HOXB13: variants seen among roughly 807,000 people sequenced by gnomAD.
HOXB13 encodes homeobox protein Hox-B13.
A neutral mutation model predicts 23.1 loss-of-function variants in HOXB13; 22 were observed. That is an observed-to-expected ratio of 0.95 (90% confidence interval 0.68 to 1.36). HOXB13 has a LOEUF of 1.36. Among genes scored for constraint, HOXB13 ranks in the 40% most tolerant of loss-of-function variants. The probability of loss-of-function intolerance (pLI) is 0.00; values close to 1 mark genes in which losing one functional copy is unlikely to be tolerated. For synonymous variants in HOXB13, 173 were observed against 157.9 expected (o/e 1.10, Z -0.72); for missense variants, 386 against 376.2 (o/e 1.03, Z -0.22).
chr17:48,728,481 G>C lies in HOXB13; in HGVS notation c.113C>G (p.Ala38Gly), dbSNP rs587780160. Residue 38 changes from alanine (A) to glycine (G), a missense_variant, in exon 1 of 2, where the codon GCG becomes GGG. Ala to Gly is a moderately conservative substitution (Grantham distance 60, BLOSUM62 0). Coordinates refer to ENST00000290295, the MANE Select transcript of HOXB13 (RefSeq NM_006361.6). ...VAHSPLTSHP[A>G]APTLMPAVNY... ...GACAGCAGGCATCAGCGTAGGCGCCGCTGGGTGGCTGGTCAGAGGGGAGTG... is the reference window on the plus strand; with the variant it reads ...GACAGCAGGCATCAGCGTAGGCGCCCCTGGGTGGCTGGTCAGAGGGGAGTG... 2.5e-5 allele frequency: 40 copies of C among 1,613,024 alleles called. No individual in the cohort carries two copies. The highest frequency in any genetic ancestry group is 3.3e-5 in the Non-Finnish European group (39 of 1,179,862).
chr17:48,728,362 C>T lies in HOXB13; in HGVS notation c.232G>A (p.Val78Met), dbSNP rs746542615. Residue 78 changes from valine (V) to methionine (M), a missense_variant, in exon 1 of 2, where the codon GTG (valine) becomes ATG (methionine). Transcript: ENST00000290295. Reference protein sequence around the residue: ...GVPQGTSPAPVPYGYFGGGYY... With the variant: ...GVPQGTSPAPMPYGYFGGGYY... ...CCGCCTCCAAAGTAACCATAAGGCA[C>T]GGGAGCTGGGGACGTCCCCTGGGGC... 14 of 1,613,846 alleles carry T rather than the reference C, an allele frequency of 8.7e-6. No individual in the cohort carries two copies. The East Asian group carries it at 2.7e-4, about 31-fold the overall frequency.
In HOXB13 at chr17:48,724,855, G is replaced by A; in HGVS notation, c.*1935C>T. 2.3e-6 allele frequency: 1 copy of A among 437,634 alleles called. No individual in the cohort carries two copies. Among genetic ancestry groups the A allele is most frequent in the Non-Finnish European group, 3.8e-6 (1 of 263,778 alleles). The allele number at this position is 437,634 out of a possible 1,614,324, so 27.1% of individuals were successfully genotyped here. On this transcript the variant is annotated 3_prime_UTR_variant, in exon 2 of 2. Coordinates refer to ENST00000290295, the MANE Select transcript of HOXB13 (RefSeq NM_006361.6). ...CAGAGTGTGGGAGTTAGAGCATGGGGAGTCCAGAGGTTCCAGACCCCCAAA... is the reference window on the plus strand; with the variant it reads ...CAGAGTGTGGGAGTTAGAGCATGGGAAGTCCAGAGGTTCCAGACCCCCAAA...
At position 48,728,233 on chromosome 17, in the gene HOXB13, G is replaced by A. The variant is rs766909225; in HGVS notation, c.361C>T (p.Pro121Ser). The change falls in exon 1 of 2, where the codon CCC (proline) becomes TCC (serine). Residue 121 changes from proline (P) to serine (S), a missense_variant. By Grantham distance (74) the Pro-to-Ser change is moderately conservative. Transcript: ENST00000290295. ...AETPTAGEEY[P>S]SRPTEFAFYP... ...AAGGCAAACTCAGTGGGGCGGCTGG[G>A]GTACTCTTCCCCGGCCGTGGGAGTC... 2 of 1,614,092 alleles carry A rather than the reference G, an allele frequency of 1.2e-6. No homozygotes were observed. Among genetic ancestry groups the A allele is most frequent in the Admixed American group, 1.7e-5 (1 of 60,014 alleles).
Position 48,728,706 on chromosome 17 carries a change from G to A in HOXB13, c.-113C>T. 1 of 1,027,924 alleles carries A rather than the reference G, an allele frequency of 9.7e-7. No individual in the cohort carries two copies. The highest frequency in any genetic ancestry group is 1.6e-5 in the South Asian group (1 of 63,008). The allele number at this position is 1,027,924 out of a possible 1,614,324, so 63.7% of individuals were successfully genotyped here. A position where few individuals can be genotyped will look rare whatever the true frequency, so the allele number is the denominator to read the frequency against. On this transcript the variant is annotated 5_prime_UTR_variant, in exon 1 of 2. Coordinates refer to ENST00000290295, the MANE Select transcript of HOXB13 (RefSeq NM_006361.6). ...AAGCGTTTTAAATCGCTCCCAGCTC[G>A]CAAGTCGCCTGCATTCGCTCAGCAC...
In HOXB13 at chr17:48,725,997, T is replaced by G. The variant is rs922380512; in HGVS notation, c.*793A>C. ...AATGCTCAACAAACCATGACCTGCT[T>G]TGGTCAGAACCACCAGAAATATTAA... On this transcript the variant is annotated 3_prime_UTR_variant, in exon 2 of 2. Transcript: ENST00000290295. 3 of 152,242 alleles carry G rather than the reference T, an allele frequency of 2.0e-5. No homozygotes were observed. Among genetic ancestry groups the G allele is most frequent in the Admixed American group, 1.3e-4 (2 of 15,286 alleles). The allele number at this position is 152,242 out of a possible 1,614,324, so 9.4% of individuals were successfully genotyped here.
chr17:48,728,427 G>T lies in HOXB13; in HGVS notation c.167C>A (p.Ser56Ter). ...GTGGCATTGCTTTGGCGGCTCCGCC[G>T]AGCCTGGCAGATCCAAGGGGGCATA... is the stretch of plus-strand genomic sequence containing the variant. The part of the protein sequence containing the change: ...VNYAPLDLPG[S>*]AEPPKQCHPC... Residue 56 changes from serine (S) to a stop codon, truncating the protein, a stop_gained, in exon 1 of 2, where the codon TCG (serine) becomes TAG (stop). Coordinates refer to ENST00000290295, the MANE Select transcript of HOXB13 (RefSeq NM_006361.6). LOFTEE classifies it high-confidence loss of function. 6.2e-7 allele frequency: 1 copy of T among 1,613,344 alleles called. No homozygotes were observed.
chr17:48,727,234 G>T (rs1179858140), intron 1 of HOXB13, among the ~76,000 whole-genome samples, 191 bp from the exon 2 acceptor site: 1 of 152,006 alleles, frequency 6.6e-6, no homozygotes, highest in Non-Finnish European at 1.5e-5. Context: ...TCTCACCACC[G>T]CTCAGCCTTG....
chr17:48,727,182 T>C, intron 1 of HOXB13, 139 bp from the exon 2 acceptor site: 1 of 1,073,828 alleles, frequency 9.3e-7, no homozygotes, highest in East Asian at 2.6e-5. Flanking sequence ...ATCCTGTTCC[T>C]CCAAAGCATA....
In HOXB13 at chr17:48,726,993, T is replaced by C; in HGVS notation, c.652A>G (p.Lys218Glu). The C allele has an allele frequency of 1.9e-6, 3 of 1,611,950 alleles. No homozygotes were observed. Among genetic ancestry groups the C allele is most frequent in the Non-Finnish European group, 2.5e-6 (3 of 1,179,988 alleles). ...PDACAFRRGR[K>E]KRIPYSKGQL... ...CCCTTGCTGTACGGAATGCGTTTCT[T>C]GCGGCCGCGACGAAAGGCGCAGGCG... Residue 218 changes from lysine to glutamate, a missense_variant, in exon 2 of 2, where the codon AAG becomes GAG. Coordinates refer to ENST00000290295, the MANE Select transcript of HOXB13 (RefSeq NM_006361.6).
chr17:48,728,478 G>A lies in HOXB13; in HGVS notation c.116C>T (p.Ala39Val), dbSNP rs773491778. The change falls in exon 1 of 2, where the codon GCG (alanine) becomes GTG (valine). Residue 39 changes from alanine (A) to valine (V), a missense_variant. By Grantham distance (64) the Ala-to-Val change is moderately conservative (BLOSUM62 0). Coordinates refer to ENST00000290295, the MANE Select transcript of HOXB13 (RefSeq NM_006361.6). The stretch of plus-strand genomic sequence containing the variant: ...GTTGACAGCAGGCATCAGCGTAGGC[G>A]CCGCTGGGTGGCTGGTCAGAGGGGA... ...AHSPLTSHPA[A>V]PTLMPAVNYA... 1 of 1,613,212 alleles carries A rather than the reference G, an allele frequency of 6.2e-7. No individual in the cohort carries two copies. Among genetic ancestry groups the A allele is most frequent in the Non-Finnish European group, 8.5e-7 (1 of 1,179,834 alleles).
At chr17:48,727,177 G>T in intron 1 of HOXB13, 134 bp from the exon 2 acceptor site, 1 of 1,106,376 alleles carries the variant, frequency 9.0e-7, no homozygotes, top group Non-Finnish European at 1.3e-6. Flanking sequence ...GTGCAATCCT[G>T]TTCCTCCAAA....
chr17:48,727,524 T>C (rs1055857699), intron 1 of HOXB13, among the ~76,000 whole-genome samples: 1 of 152,186 alleles, frequency 6.6e-6, no homozygotes, highest in African/African-American at 2.4e-5. Flanking sequence ...AATTTTTCTT[T>C]GGAAATTGGA....
Position 48,728,527 on chromosome 17 carries a change from C to A in HOXB13, c.67G>T (p.Gly23Trp). Residue 23 changes from glycine to tryptophan, a missense_variant, in exon 1 of 2, where the codon GGG (glycine) becomes TGG (tryptophan). Transcript: ENST00000290295. ...GAGTGGGCGACCAGATTCCGCCCCC[C>A]TCCCGCTCCCAGCAAGCCTTCGATA... ...KDIEGLLGAG[G>W]GRNLVAHSPL... 1 of 1,613,274 alleles carries A rather than the reference C, an allele frequency of 6.2e-7. No individual in the cohort carries two copies. The highest frequency in any genetic ancestry group is 1.1e-5 in the South Asian group (1 of 91,074).
In HOXB13 at chr17:48,726,841, CCGG is replaced by C; in HGVS notation, c.801_803del (p.Arg268del). On this transcript the variant is annotated inframe_deletion, in exon 2 of 2. Coordinates refer to ENST00000290295, the MANE Select transcript of HOXB13 (RefSeq NM_006361.6). ...TGGCGAGAACCTTCTTCTCTTTGAC[CCGG>C]CGGTTCTGAAACCAGATGGTAATCT... 1 of 1,614,174 alleles carries C rather than the reference CCGG, an allele frequency of 6.2e-7. No homozygotes were observed. The highest frequency in any genetic ancestry group is 8.5e-7 in the Non-Finnish European group (1 of 1,180,034).
chr17:48,724,947 C>G lies in HOXB13; in HGVS notation c.*1843G>C, dbSNP rs2038190957. 3.2e-6 allele frequency: 1 copy of G among 311,914 alleles called. No individual in the cohort carries two copies. Among genetic ancestry groups the G allele is most frequent in the South Asian group, 1.6e-4 (1 of 6,242 alleles). The allele number at this position is 311,914 out of a possible 1,614,324, so 19.3% of individuals were successfully genotyped here. A position where few individuals can be genotyped will look rare whatever the true frequency, so the allele number is the denominator to read the frequency against. On this transcript the variant is annotated 3_prime_UTR_variant, in exon 2 of 2. Coordinates refer to ENST00000290295, the MANE Select transcript of HOXB13 (RefSeq NM_006361.6). ...CCTCTTGTGGCCTTTTTCCTCTCTC[C>G]AAGGGGTCACCCCGCACCATGCCGC...
Position 48,728,716 on chromosome 17 carries a change from T to C in HOXB13, c.-123A>G, listed in dbSNP as rs2038246192. 1 of 923,880 alleles carries C rather than the reference T, an allele frequency of 1.1e-6. No individual in the cohort carries two copies. The highest frequency in any genetic ancestry group is 1.6e-6 in the Non-Finnish European group (1 of 613,728). 57.2% of individuals were successfully genotyped at this position (923,880 alleles called of 1,614,324 possible). ...AATCGCTCCCAGCTCGCAAGTCGCC[T>C]GCATTCGCTCAGCACGGCCGTCTTG... On this transcript the variant is annotated 5_prime_UTR_variant, in exon 1 of 2. Coordinates refer to ENST00000290295, the MANE Select transcript of HOXB13 (RefSeq NM_006361.6).
rs749518336 is a variant in HOXB13 at position 48,726,995 on chromosome 17, C to T, written c.650G>A (p.Arg217His). Residue 217 changes from arginine (R) to histidine (H), a missense_variant, in exon 2 of 2, where the codon CGC (arginine) becomes CAC (histidine). Coordinates refer to ENST00000290295, the MANE Select transcript of HOXB13 (RefSeq NM_006361.6). ...PPDACAFRRG[R>H]KKRIPYSKGQ... is the part of the protein sequence containing the mutation. ...CTTGCTGTACGGAATGCGTTTCTTG[C>T]GGCCGCGACGAAAGGCGCAGGCGTC... 1.9e-6 allele frequency: 3 copies of T among 1,611,456 alleles called. No individual in the cohort carries two copies. Among genetic ancestry groups the T allele is most frequent in the Non-Finnish European group, 2.5e-6 (3 of 1,180,012 alleles).
Position 48,728,709 on chromosome 17 carries a change from A to G in HOXB13, c.-116T>C. ...CGTTTTAAATCGCTCCCAGCTCGCA[A>G]GTCGCCTGCATTCGCTCAGCACGGC... On this transcript the variant is annotated 5_prime_UTR_variant, in exon 1 of 2. Transcript: ENST00000290295. The G allele has an allele frequency of 1.0e-6, 1 of 991,178 alleles. No homozygotes were observed. Among genetic ancestry groups the G allele is most frequent in the South Asian group, 1.6e-5 (1 of 61,750 alleles). The allele number at this position is 991,178 out of a possible 1,614,324, so 61.4% of individuals were successfully genotyped here.
intron 1 of HOXB13, 120 bp downstream of exon 1, chr17:48,727,873 G>C (rs1333596476): frequency 3.2e-6 from 4 of 1,240,698 alleles, no homozygotes; most frequent in Admixed American, 2.2e-5. Context: ...ATAACCAAGG[G>C]AGGAGCACCA....
Sources: allele counts gnomAD v4.1 joint callset (sites outside exome capture counted in the v4.1 genomes callset), GRCh38; gene constraint gnomAD v4.1.1; transcripts MANE v1.5; gene names NCBI Gene and HGNC (gene_info 2026-07-23, HGNC 2026-07-21).